Variants in DIP2B observed in about 807,000 individuals in gnomAD.
The protein encoded by DIP2B is disco-interacting protein 2 homolog B.
A neutral mutation model predicts 198.0 loss-of-function variants in DIP2B; 76 were observed. That is an observed-to-expected ratio of 0.38 (90% confidence interval 0.32 to 0.46). The LOEUF (loss-of-function observed/expected upper bound fraction) is 0.46, where lower values mean the gene tolerates loss of function less well. DIP2B is among the 20% of genes least tolerant of loss of function. The pLI, the probability that DIP2B is intolerant of heterozygous loss-of-function variation, is 0.99. For synonymous variants in DIP2B, 701 were observed against 739.1 expected, an observed-to-expected ratio of 0.95 and a Z score of 0.84; for missense variants, 1,559 against 1,978.4, an observed-to-expected ratio of 0.79 and a Z score of 4.02.
intron 37 of DIP2B, chr12:50,743,443 T>C (rs1441669313): frequency 2.0e-5 from 3 of 152,158 alleles, no homozygotes; most frequent in African/African-American, 7.2e-5. Flanking sequence ...TCTAACCCAG[T>C]AACACCACTC....
chr12:50,718,691 T>A lies in DIP2B; in HGVS notation c.2852-18T>A. On this transcript the variant is annotated intron_variant, in intron 23 of 37. Coordinates refer to ENST00000301180, the MANE Select transcript of DIP2B (RefSeq NM_173602.3). ...GAATCGCCATCTCCAGTGAGTTGGGTTTTGCATTTATTTACAGGTGTAGGC... is the reference window on the plus strand; with the variant it reads ...GAATCGCCATCTCCAGTGAGTTGGGATTTGCATTTATTTACAGGTGTAGGC... The A allele has an allele frequency of 6.2e-7, 1 of 1,611,216 alleles. No homozygotes were observed. Among genetic ancestry groups the A allele is most frequent in the Non-Finnish European group, 8.5e-7 (1 of 1,177,700 alleles).
chr12:50,734,120 T>A lies in DIP2B; in HGVS notation c.3982-15T>A. ...ATCGAAATTCTAAACAACGCATTGA[T>A]TTGTCTTTCTTTAGGGAACCTCAGG... On this transcript the variant is annotated splice_polypyrimidine_tract_variant and intron_variant, in intron 32 of 37. Coordinates refer to ENST00000301180, the MANE Select transcript of DIP2B (RefSeq NM_173602.3). 6.2e-7 allele frequency: 1 copy of A among 1,613,886 alleles called. No homozygotes were observed. The highest frequency in any genetic ancestry group is 8.5e-7 in the Non-Finnish European group (1 of 1,179,840).
At chr12:50,526,574 T>C (rs973393154) in intron 1 of DIP2B, among the ~76,000 whole-genome samples, 20 of 151,722 alleles carry the variant, frequency 1.3e-4, no homozygotes, top group Admixed American at 3.3e-4. Context: ...AGGCAGACAC[T>C]TCTCATTTTT....
chr12:50,525,578 A>G (rs995424378), intron 1 of DIP2B, among the ~76,000 whole-genome samples: 1 of 147,616 alleles, frequency 6.8e-6, no homozygotes, highest in Non-Finnish European at 1.5e-5. Flanking sequence ...AGTGGTGTAC[A>G]TGGAGCTCAC....
chr12:50,684,700 G>A (rs1939104335), intron 10 of DIP2B, among the ~76,000 whole-genome samples: 1 of 152,080 alleles, frequency 6.6e-6, no homozygotes. Context: ...GCTGAGGCAG[G>A]AGAATCGCTT....
At chr12:50,666,468 T>G (rs1938754253) in intron 4 of DIP2B, among the ~76,000 whole-genome samples, 1 of 152,142 alleles carries the variant, frequency 6.6e-6, no homozygotes, top group Non-Finnish European at 1.5e-5. Context: ...CTTTTAGAAA[T>G]ACTGGGTAAA....
rs116112264 is a variant in DIP2B at position 50,563,528 on chromosome 12, A to G, written c.100+58288A>G. Among the ~76,000 whole-genome samples the G allele has an allele frequency of 8.3e-3, 973 of 117,844 alleles. 14 individuals carry two copies. The highest frequency in any genetic ancestry group is 0.031 in the African/African-American group (934 of 30,118). The allele number at this position is 117,844 out of a possible 152,430, so 77.3% of individuals were successfully genotyped here. ...TTTTTTAAAGGCAGTATCTTGCTCT[A>G]TTGCTCAGGCTGAGTGAGGCAGTGT... On this transcript the variant is annotated intron_variant, in intron 1 of 37. Transcript: ENST00000301180.
At chr12:50,605,440 C>T (rs948465574) in intron 1 of DIP2B, among the ~76,000 whole-genome samples, 1 of 151,966 alleles carries the variant, frequency 6.6e-6, no homozygotes, top group Admixed American at 6.6e-5. Context: ...GGTGTGTGTC[C>T]GTAGTCCCGC....
chr12:50,641,680 G>A (rs1006432430), intron 3 of DIP2B, among the ~76,000 whole-genome samples: 2 of 152,158 alleles, frequency 1.3e-5, no homozygotes, highest in African/African-American at 4.8e-5. Context: ...GCATGGCAGC[G>A]GGAGCATGCT....
chr12:50,588,179 TCTCA>T (rs1241973694), intron 1 of DIP2B, among the ~76,000 whole-genome samples: 3 of 152,046 alleles, frequency 2.0e-5, no homozygotes, highest in Non-Finnish European at 4.4e-5. Flanking sequence ...TTGGAGACAG[TCTCA>T]CTCTGTTGCC....
chr12:50,559,861 A>T (rs1343606557), intron 1 of DIP2B, among the ~76,000 whole-genome samples: 2 of 152,178 alleles, frequency 1.3e-5, no homozygotes, highest in East Asian at 3.8e-4. Flanking sequence ...TAGAGGGGTG[A>T]AATGTAGCAC....
At chr12:50,647,702 G>A (rs1938375129) in intron 3 of DIP2B, among the ~76,000 whole-genome samples, 1 of 152,168 alleles carries the variant, frequency 6.6e-6, no homozygotes, top group African/African-American at 2.4e-5. Context: ...CTATCTGTCT[G>A]TCTATGGAAA....
chr12:50,553,973 T>G (rs1247599212), intron 1 of DIP2B, among the ~76,000 whole-genome samples: 4 of 152,150 alleles, frequency 2.6e-5, no homozygotes, highest in Non-Finnish European at 2.9e-5. Context: ...TTTTTCTTAA[T>G]TTTTTACTGA....
chr12:50,625,927 C>T (rs201195767), intron 1 of DIP2B, 49 bp from the exon 2 acceptor site: 20 of 1,575,618 alleles, frequency 1.3e-5, no homozygotes, highest in Non-Finnish European at 1.7e-5. Context: ...AGTGGAAAAC[C>T]ACAGAGTAAG....
chr12:50,508,855 C>T (rs373985325), intron 1 of DIP2B, among the ~76,000 whole-genome samples: 45 of 152,076 alleles, frequency 3.0e-4, no homozygotes, highest in African/African-American at 1.1e-3. Flanking sequence ...TACAGGCATG[C>T]GCCACCACGC....
chr12:50,663,361 A>T (rs1300342105), intron 4 of DIP2B, among the ~76,000 whole-genome samples: 1 of 150,936 alleles, frequency 6.6e-6, no homozygotes. Flanking sequence ...GATCGAGACC[A>T]TCCTGGCTAA....
chr12:50,695,300 C>T lies in DIP2B; in HGVS notation c.1753C>T (p.Pro585Ser). Residue 585 changes from proline to serine, a missense_variant, in exon 15 of 38, where the codon CCC (proline) becomes TCC (serine). Coordinates refer to ENST00000301180, the MANE Select transcript of DIP2B (RefSeq NM_173602.3). ...VMNKMHTISVPYSVMKTCPLS... is the reference protein window; with the variant it reads ...VMNKMHTISVSYSVMKTCPLS... ...GAATAAGATGCACACAATCAGCGTA[C>T]CCTACTCTGTTATGAAAACCTGTCC... 4 of 1,613,988 alleles carry T rather than the reference C, an allele frequency of 2.5e-6. No homozygotes were observed. Among genetic ancestry groups the T allele is most frequent in the Non-Finnish European group, 3.4e-6 (4 of 1,179,954 alleles).
At chr12:50,538,322 T>G (rs866913871) in intron 1 of DIP2B, among the ~76,000 whole-genome samples, 18 of 152,118 alleles carry the variant, frequency 1.2e-4, no homozygotes, top group Admixed American at 6.5e-5. Flanking sequence ...TTGAGAAATG[T>G]GAAGAGAACA....
intron 3 of DIP2B, among the ~76,000 whole-genome samples, chr12:50,643,026 C>CTGTGTGTG (rs10651157): frequency 1.3e-5 from 2 of 149,710 alleles, no homozygotes; most frequent in Non-Finnish European, 3.0e-5. Flanking sequence ...CTGGGAGTTT[C>CTGTGTGTG]TGTGTGTGTG....
Sources: allele counts gnomAD v4.1 joint callset (sites outside exome capture counted in the v4.1 genomes callset), GRCh38; gene constraint gnomAD v4.1.1; transcripts MANE v1.5; gene names NCBI Gene and HGNC (gene_info 2026-07-23, HGNC 2026-07-21).